The following TARBP1 variants were observed in gnomAD, a reference collection of about 807,000 sequenced individuals.
The protein encoded by TARBP1 is tRNA (guanosine(18)-2'-O)-methyltransferase TARBP1.
In TARBP1, 144 loss-of-function variants were observed where a neutral mutation model predicts 178.6. That is an observed-to-expected ratio of 0.81 (90% CI 0.70 to 0.93). The LOEUF is 0.93. Ranked by LOEUF, TARBP1 falls within the 40% of genes least tolerant of loss-of-function variation. The pLI is 0.00. For synonymous variants in TARBP1, 787 were observed against 781.0 expected, an observed-to-expected ratio of 1.01 and a Z score of -0.13; for missense variants, 2,067 against 2,011.7, an observed-to-expected ratio of 1.03 and a Z score of -0.53.
chr1:234,450,394 T>C, intron 10 of TARBP1, 34 bp downstream of exon 10: 1 of 1,529,482 alleles, frequency 6.5e-7, no homozygotes, highest in Middle Eastern at 1.8e-4. Context: ...AATATTTTGG[T>C]TATATCAATC....
intron 12 of TARBP1, among the ~76,000 whole-genome samples, chr1:234,443,518 C>T (rs1572338398): frequency 6.6e-6 from 1 of 152,046 alleles, no homozygotes; most frequent in Non-Finnish European, 1.5e-5. Context: ...TTGTGCACTA[C>T]TGGTGAAAAT....
At chr1:234,404,053 A>T (rs911779047) in intron 24 of TARBP1, among the ~76,000 whole-genome samples, 9 of 152,214 alleles carry the variant, frequency 5.9e-5, no homozygotes, top group Non-Finnish European at 1.0e-4. Context: ...GTTATTTTTT[A>T]AAAGTGCGTT....
At chr1:234,470,179 A>T (rs1381714766) in intron 3 of TARBP1, among the ~76,000 whole-genome samples, 1 of 152,112 alleles carries the variant, frequency 6.6e-6, no homozygotes, top group Non-Finnish European at 1.5e-5. Context: ...AGGCAAAAAA[A>T]TTGCCTGAAC....
chr1:234,393,576 A>G, intron 27 of TARBP1, 70 bp downstream of exon 27: 12 of 1,578,586 alleles, frequency 7.6e-6, no homozygotes, highest in Non-Finnish European at 9.5e-6. Context: ...CTCCCGTGGC[A>G]GTGGATTAAT....
intron 26 of TARBP1, among the ~76,000 whole-genome samples, chr1:234,396,687 A>C (rs372873535): frequency 6.6e-6 from 1 of 152,158 alleles, no homozygotes; most frequent in African/African-American, 2.4e-5. Flanking sequence ...GGCCTGACAA[A>C]AATTGCATTT....
Position 234,429,122 on chromosome 1 carries a change from A to G in TARBP1, c.3060+14T>C, listed in dbSNP as rs1474809994. Reference sequence around the variant, plus strand: ...ACATGAAAAGAAAAGCAAAAAGAAAAGAAAGTTAGTTACCTCTTTTATTTT... The same window carrying G: ...ACATGAAAAGAAAAGCAAAAAGAAAGGAAAGTTAGTTACCTCTTTTATTTT... On this transcript the variant is annotated intron_variant, in intron 17 of 29. Coordinates refer to ENST00000040877, the MANE Select transcript of TARBP1 (RefSeq NM_005646.4). 1 of 1,550,030 alleles carries G rather than the reference A, an allele frequency of 6.5e-7. No homozygotes were observed. Among genetic ancestry groups the G allele is most frequent in the East Asian group, 2.3e-5 (1 of 43,954 alleles).
rs115400727 is a variant in TARBP1 at position 234,438,359 on chromosome 1, T to A, written c.2135-987A>T. The stretch of plus-strand genomic sequence containing the variant: ...GTTAGAACCGTTTGACAAAAATCAT[T>A]AAAGCAGCTCTAATAAAAATGCTTT... On this transcript the variant is annotated intron_variant, in intron 12 of 29. Coordinates refer to ENST00000040877, the MANE Select transcript of TARBP1 (RefSeq NM_005646.4). Among the ~76,000 whole-genome samples, 1,076 of 152,274 alleles carry A rather than the reference T, an allele frequency of 7.1e-3. 11 individuals are homozygous for A. Among genetic ancestry groups the A allele is most frequent in the African/African-American group, 0.025 (1,032 of 41,560 alleles).
intron 28 of TARBP1, 139 bp from the exon 29 acceptor site, chr1:234,392,691 T>C: frequency 1.7e-6 from 1 of 591,650 alleles, no homozygotes; most frequent in South Asian, 2.7e-5. Flanking sequence ...AAAAAAGAAC[T>C]CTCCCAACAT....
chr1:234,470,640 G>GAGCTA (rs1668953316), intron 3 of TARBP1, among the ~76,000 whole-genome samples: 1 of 87,304 alleles, frequency 1.1e-5, no homozygotes, highest in South Asian at 5.3e-4. Flanking sequence ...TTTTTGAGAC[G>GAGCTA]GAGTCTTGCT....
intron 15 of TARBP1, 82 bp from the exon 16 acceptor site, chr1:234,429,759 A>C: frequency 3.1e-5 from 24 of 776,246 alleles, no homozygotes; most frequent in Non-Finnish European, 3.9e-5. Flanking sequence ...TATCCTTTCT[A>C]AAGGTGGGGG....
At chr1:234,419,172 C>CA (rs947711043) in intron 21 of TARBP1, among the ~76,000 whole-genome samples, 4 of 149,308 alleles carry the variant, frequency 2.7e-5, no homozygotes, top group Middle Eastern at 3.5e-3. Context: ...GACTCCGTCT[C>CA]AAAAAAAATA....
intron 20 of TARBP1, among the ~76,000 whole-genome samples, chr1:234,421,247 C>A (rs1191556606): frequency 2.0e-5 from 3 of 152,134 alleles, no homozygotes; most frequent in Non-Finnish European, 4.4e-5. Flanking sequence ...CGCCACCACA[C>A]CCAGCTAACT....
intron 1 of TARBP1, among the ~76,000 whole-genome samples, chr1:234,476,546 T>C (rs1402145321): frequency 1.3e-5 from 2 of 152,174 alleles, no homozygotes. Flanking sequence ...TTTAGTCAAC[T>C]GGTTAAGAAT....
intron 9 of TARBP1, among the ~76,000 whole-genome samples, chr1:234,457,395 C>G (rs1456380717): frequency 6.6e-6 from 1 of 152,166 alleles, no homozygotes; most frequent in Non-Finnish European, 1.5e-5. Context: ...CCTAATGCAT[C>G]TCATCCAGAG....
intron 26 of TARBP1, among the ~76,000 whole-genome samples, chr1:234,397,947 C>T (rs755641866): frequency 1.5e-5 from 2 of 137,240 alleles, no homozygotes; most frequent in African/African-American, 2.7e-5. Flanking sequence ...TAACATGAAG[C>T]GGCGTCCAAC....
In TARBP1 at chr1:234,479,133, C is replaced by A. The variant is rs941966; in HGVS notation, c.-30G>T. On this transcript the variant is annotated 5_prime_UTR_variant, in exon 1 of 30. Transcript: ENST00000040877. ...CGAGCGCCCGCGCCACCGGCCCGGG[C>A]TCCCAAAGGAAGGCGCCGGCGTGTG... The A allele has an allele frequency of 0.037, 55,277 of 1,503,356 alleles. 1,819 individuals carry two copies. The highest frequency in any genetic ancestry group is 0.16 in the African/African-American group (10,976 of 68,910). The allele number at this position is 1,503,356 out of a possible 1,614,324, so 93.1% of individuals were successfully genotyped here.
chr1:234,451,285 T>C (rs1383971085), intron 9 of TARBP1, among the ~76,000 whole-genome samples: 1 of 152,224 alleles, frequency 6.6e-6, no homozygotes, highest in Non-Finnish European at 1.5e-5. Flanking sequence ...ATAATATCTG[T>C]CTTAATAAGC....
At position 234,425,747 on chromosome 1, in the gene TARBP1, G is replaced by A; in HGVS notation, c.3370C>T (p.Leu1124=). 1 of 1,606,684 alleles carries A rather than the reference G, an allele frequency of 6.2e-7. No individual in the cohort carries two copies. The highest frequency in any genetic ancestry group is 8.5e-7 in the Non-Finnish European group (1 of 1,174,276). ...ATATTGGAGCCATCTAATAAACACA[G>A]GAATTTGACAGCACAAATTCTCACA... is the stretch of plus-strand genomic sequence containing the variant. ...HYVRICAVKF[L]CLLDGSNMSH... The change falls in exon 20 of 30, where the codon CTG becomes TTG. Residue 1124 remains leucine (L), a synonymous_variant. Transcript: ENST00000040877.
chr1:234,420,350 A>G (rs1275804670), intron 21 of TARBP1, among the ~76,000 whole-genome samples: 1 of 152,248 alleles, frequency 6.6e-6, no homozygotes, highest in Non-Finnish European at 1.5e-5. Flanking sequence ...AAAACAGTGT[A>G]ACACTCCAAA....
Sources: gnomAD v4.1 joint callset for allele counts (sites outside exome capture counted in the v4.1 genomes callset) on GRCh38, gnomAD v4.1.1 for gene constraint, MANE v1.5 for transcripts, NCBI Gene and HGNC (gene_info 2026-07-23, HGNC 2026-07-21) for gene names.